Variants in ABCA8 observed in about 807,000 individuals in gnomAD.
ABCA8 encodes ABC-type organic anion transporter ABCA8.
A neutral mutation model predicts 192.3 loss-of-function variants in ABCA8; 177 were observed. That is an observed-to-expected ratio of 0.92 (90% confidence interval 0.81 to 1.04). The LOEUF is 1.04. Ranked by LOEUF, ABCA8 falls within the 50% of genes least tolerant of loss-of-function variation. The probability of loss-of-function intolerance (pLI) is 0.00; values close to 1 mark genes in which losing one functional copy is unlikely to be tolerated. For missense variants in ABCA8, 1,915 were observed against 1,904.8 expected (o/e 1.01, Z -0.10); for synonymous variants, 642 against 690.2 (o/e 0.93, Z 1.09).
chr17:68,924,936 T>G, intron 10 of ABCA8, 67 bp from the exon 11 acceptor site: 2 of 1,525,658 alleles, frequency 1.3e-6, no homozygotes, highest in African/African-American at 2.7e-5. Flanking sequence ...GTCACAGTAA[T>G]GTAGCACGGC....
At chr17:68,883,699 A>C (rs763083494) in intron 29 of ABCA8, 92 bp downstream of exon 29, 205 of 795,206 alleles carry the variant, frequency 2.6e-4, no homozygotes, top group Admixed American at 1.2e-3. Context: ...TCCTAGCACA[A>C]CGGCACCTCT....
intron 11 of ABCA8, among the ~76,000 whole-genome samples, chr17:68,923,140 A>G (rs2067591360): frequency 6.6e-6 from 1 of 152,006 alleles, no homozygotes; most frequent in African/African-American, 2.4e-5. Flanking sequence ...TTTATCATCT[A>G]CTATTCATAA....
chr17:68,917,880 A>C (rs2067417779), intron 16 of ABCA8, among the ~76,000 whole-genome samples, 167 bp downstream of exon 16: 1 of 152,226 alleles, frequency 6.6e-6, no homozygotes, highest in Non-Finnish European at 1.5e-5. Context: ...AGATACACTG[A>C]AATGGTTGCA....
At position 68,883,377 on chromosome 17, in the gene ABCA8, G is replaced by A. The variant is rs189706467; in HGVS notation, c.3707+414C>T. Among the ~76,000 whole-genome samples, 11 of 152,314 alleles carry A rather than the reference G, an allele frequency of 7.2e-5. No homozygotes were observed. In the East Asian group the frequency reaches 2.1e-3, roughly 29 times the overall value. ...CAGCTTTTAAGTCCCATTAATAACTGAACCAGTCTGTGATCCACTGGCTGG... is the reference window on the plus strand; with the variant it reads ...CAGCTTTTAAGTCCCATTAATAACTAAACCAGTCTGTGATCCACTGGCTGG... On this transcript the variant is annotated intron_variant, in intron 29 of 39. Transcript: ENST00000586539.
At chr17:68,922,390 C>A (rs2067568963) in intron 11 of ABCA8, 90 bp from the exon 12 acceptor site, 2 of 914,494 alleles carry the variant, frequency 2.2e-6, no homozygotes, top group African/African-American at 1.7e-5. Context: ...ATCTTAACTT[C>A]AGGATACATG....
chr17:68,906,242 C>G (rs2067064841), intron 18 of ABCA8, 79 bp from the exon 19 acceptor site: 9 of 1,108,900 alleles, frequency 8.1e-6, no homozygotes, highest in Non-Finnish European at 1.1e-5. Context: ...CTAATAAGCA[C>G]AAATCTATGA....
chr17:68,906,679 C>T (rs976089144), intron 18 of ABCA8, among the ~76,000 whole-genome samples: 4 of 151,988 alleles, frequency 2.6e-5, no homozygotes, highest in African/African-American at 4.8e-5. Flanking sequence ...CTGTTTCTAA[C>T]AATGGAAGAA....
chr17:68,941,100 T>C (rs750502921), intron 3 of ABCA8, 138 bp from the exon 4 acceptor site: 21 of 653,050 alleles, frequency 3.2e-5, no homozygotes, highest in Non-Finnish European at 3.8e-5. Context: ...TAAAGTCTGC[T>C]GAAAGTCAAT....
At position 68,874,007 on chromosome 17, in the gene ABCA8, A is replaced by G. The variant is rs1039699290; in HGVS notation, c.4631+1253T>C. On this transcript the variant is annotated intron_variant, in intron 37 of 39. Coordinates refer to ENST00000586539, the MANE Select transcript of ABCA8 (RefSeq NM_001288985.2). ...GAGAGTCAGTTTTGTGTAGGAAAAA[A>G]GGGTAAGGTGAATTGATAATAATCA... Among the ~76,000 whole-genome samples the G allele has an allele frequency of 3.9e-5, 6 of 152,148 alleles. No individual in the cohort carries two copies. The South Asian group carries it at 1.2e-3, about 32-fold the overall frequency.
At chr17:68,938,443 G>A (rs2068132796) in intron 4 of ABCA8, among the ~76,000 whole-genome samples, 1 of 152,118 alleles carries the variant, frequency 6.6e-6, no homozygotes, top group South Asian at 2.1e-4. Flanking sequence ...AGGAAAAAAA[G>A]AGGTTATGCA....
Position 68,881,970 on chromosome 17 carries a change from A to G in ABCA8, c.3839T>C (p.Ile1280Thr). The change falls in exon 31 of 40, where the codon ATC (isoleucine) becomes ACC (threonine). Residue 1280 changes from isoleucine to threonine, a missense_variant. Ile to Thr is a moderately conservative substitution (Grantham distance 89). Transcript: ENST00000586539. ...NSTNFDEKPV[I>T]IASCLRKEYA... The stretch of plus-strand genomic sequence containing the variant: ...CTCCTTGCGTAGACAGCTGGCAATG[A>G]TGACTGGCTTCTGTAAATGACAAGA... 6.2e-7 allele frequency: 1 copy of G among 1,613,240 alleles called. No individual in the cohort carries two copies. Among genetic ancestry groups the G allele is most frequent in the Non-Finnish European group, 8.5e-7 (1 of 1,179,410 alleles).
At position 68,933,399 on chromosome 17, in the gene ABCA8, A is replaced by C. The variant is rs552264580; in HGVS notation, c.467-128T>G. 1.7e-5 allele frequency: 10 copies of C among 601,254 alleles called. No homozygotes were observed. The East Asian group carries it at 2.3e-4, about 14-fold the overall frequency. 37.2% of individuals were successfully genotyped at this position (601,254 alleles called of 1,614,324 possible). On this transcript the variant is annotated intron_variant, in intron 5 of 39. Coordinates refer to ENST00000586539, the MANE Select transcript of ABCA8 (RefSeq NM_001288985.2). ...CCAAATTCCAAATGTTCTTATTTTG[A>C]CTCAAAGCTTATGAAAACATAAATT...
At chr17:68,918,909 GA>G (rs1281710445) in intron 14 of ABCA8, among the ~76,000 whole-genome samples, 1 of 112,936 alleles carries the variant, frequency 8.9e-6, no homozygotes, top group Non-Finnish European at 1.6e-5. Flanking sequence ...CGGCCTGGGC[GA>G]CAAGAGCAAA....
chr17:68,877,730 A>C (rs747845171), intron 32 of ABCA8, 51 bp from the exon 33 acceptor site: 1 of 1,535,030 alleles, frequency 6.5e-7, no homozygotes, highest in Non-Finnish European at 8.8e-7. Flanking sequence ...TGCTTCTTTG[A>C]GTATTTCCAT....
At position 68,887,881 on chromosome 17, in the gene ABCA8, CATAT is replaced by C. The variant is rs1202636158; in HGVS notation, c.3145-379_3145-376del. 4.4e-4 allele frequency among the ~76,000 whole-genome samples: 30 copies of C among 68,236 alleles called. 1 individual carries two copies. Among genetic ancestry groups the C allele is most frequent in the African/African-American group, 1.7e-3 (23 of 13,804 alleles). 44.8% of individuals were successfully genotyped at this position (68,236 alleles called of 152,430 possible). On this transcript the variant is annotated intron_variant, in intron 24 of 39. Transcript: ENST00000586539. ...ATTCCTCTCTCTCTTTTCTCTCCTC[CATAT>C]ATATATATATATATATATATATCCA...
chr17:68,913,190 T>C (rs915847861), intron 17 of ABCA8, among the ~76,000 whole-genome samples: 2 of 152,078 alleles, frequency 1.3e-5, no homozygotes, highest in African/African-American at 4.8e-5. Flanking sequence ...TTGAAAAATT[T>C]ATTGAAACAA....
intron 28 of ABCA8, among the ~76,000 whole-genome samples, 182 bp from the exon 29 acceptor site, chr17:68,884,064 C>T (rs574060675): frequency 6.6e-6 from 1 of 152,112 alleles, no homozygotes; most frequent in Non-Finnish European, 1.5e-5. Context: ...TTTATAGAAA[C>T]GTAGGAAACA....
At position 68,901,648 on chromosome 17, in the gene ABCA8, A is replaced by G. The variant is rs112196806; in HGVS notation, c.2764+1065T>C. ...TGGTGAAACCCCGTCTCTACCAAAA[A>G]TACAAAAAAATTAGCTGGCTGTGGT... On this transcript the variant is annotated intron_variant, in intron 21 of 39. Transcript: ENST00000586539. Among the ~76,000 whole-genome samples the G allele has an allele frequency of 7.7e-3, 1,176 of 152,214 alleles. 18 individuals carry two copies. The highest frequency in any genetic ancestry group is 0.027 in the African/African-American group (1,122 of 41,532).
In ABCA8 at chr17:68,870,620, T is replaced by C. The variant is rs140912893; in HGVS notation, c.4632-841A>G. On this transcript the variant is annotated intron_variant, in intron 37 of 39. Coordinates refer to ENST00000586539, the MANE Select transcript of ABCA8 (RefSeq NM_001288985.2). The stretch of plus-strand genomic sequence containing the variant: ...CAGAGTTTGTCTTTATGTGACTGAT[T>C]TAGTTCACTCAGCATAAAGTCCTCA... Among the ~76,000 whole-genome samples the C allele has an allele frequency of 8.0e-4, 122 of 152,342 alleles. No homozygotes were observed. In the East Asian group the frequency reaches 0.023, roughly 29 times the overall value.
Sources: allele counts gnomAD v4.1 joint callset (sites outside exome capture counted in the v4.1 genomes callset), GRCh38; gene constraint gnomAD v4.1.1; transcripts MANE v1.5; gene names NCBI Gene and HGNC (gene_info 2026-07-23, HGNC 2026-07-21).